GAS2L3: variants seen among roughly 807,000 people sequenced by gnomAD.
The protein encoded by GAS2L3 is GAS2-like protein 3.
Under a neutral mutation model 37.0 loss-of-function variants are expected in GAS2L3, and 28 were observed. That is an observed-to-expected ratio of 0.76 (90% CI 0.56 to 1.04). The LOEUF (loss-of-function observed/expected upper bound fraction) is 1.04, where lower values mean the gene tolerates loss of function less well. Ranked by LOEUF, GAS2L3 falls within the 50% of genes least tolerant of loss-of-function variation. The pLI is 0.00. For missense variants in GAS2L3, 793 were observed against 817.6 expected, an observed-to-expected ratio of 0.97 and a Z score of 0.37; for synonymous variants, 290 against 296.6, an observed-to-expected ratio of 0.98 and a Z score of 0.23.
At chr12:100,586,670 G>A (rs1955785575) in intron 1 of GAS2L3, among the ~76,000 whole-genome samples, 1 of 151,916 alleles carries the variant, frequency 6.6e-6, no homozygotes, top group Non-Finnish European at 1.5e-5. Context: ...ACACCTCTAA[G>A]GAAATAGAGA....
chr12:100,576,957 T>C (rs913632110), intron 1 of GAS2L3, among the ~76,000 whole-genome samples: 3 of 152,210 alleles, frequency 2.0e-5, no homozygotes, highest in Non-Finnish European at 2.9e-5. Context: ...TTCCGCCTAC[T>C]GTCATACAAC....
intron 6 of GAS2L3, among the ~76,000 whole-genome samples, chr12:100,615,022 T>TA: frequency 6.6e-6 from 1 of 152,330 alleles, no homozygotes; most frequent in East Asian, 1.9e-4. Context: ...TTCTCTCAGA[T>TA]ATATACCTAA....
At chr12:100,580,100 C>T in intron 1 of GAS2L3, 1 of 1,103,912 alleles carries the variant, frequency 9.1e-7, no homozygotes, top group South Asian at 1.2e-5. Flanking sequence ...ATCATTGATA[C>T]TGGAATAGAT....
At position 100,600,461 on chromosome 12, in the gene GAS2L3, G is replaced by C. The variant is rs1483253153; in HGVS notation, c.98G>C (p.Cys33Ser). ...CACGGACCAGGATTGGCTAATGTTT[G>C]TCAGTACGATGAGTGGATAGCTGTG... ...PRHGPGLANV[C>S]QYDEWIAVRH... The change falls in exon 4 of 10, where the codon TGT becomes TCT. Residue 33 changes from cysteine to serine, a missense_variant. Cys to Ser is a moderately radical substitution (Grantham distance 112). Coordinates refer to ENST00000547754, the MANE Select transcript of GAS2L3 (RefSeq NM_174942.3). The C allele has an allele frequency of 7.4e-6, 12 of 1,613,422 alleles. No homozygotes were observed. Among genetic ancestry groups the C allele is most frequent in the Non-Finnish European group, 1.0e-5 (12 of 1,179,536 alleles).
At chr12:100,620,493 G>GT (rs1956239772) in intron 8 of GAS2L3, among the ~76,000 whole-genome samples, 1 of 151,810 alleles carries the variant, frequency 6.6e-6, no homozygotes, top group African/African-American at 2.4e-5. Flanking sequence ...CTGATTGTGG[G>GT]TTAGTGCTGA....
intron 1 of GAS2L3, chr12:100,579,887 G>C: frequency 1.3e-6 from 1 of 754,282 alleles, no homozygotes; most frequent in Middle Eastern, 2.9e-4. Flanking sequence ...ACATAGTAAA[G>C]ACTTTCCACA....
chr12:100,580,952 C>T (rs1195774503), intron 1 of GAS2L3, among the ~76,000 whole-genome samples: 1 of 152,214 alleles, frequency 6.6e-6, no homozygotes, highest in Non-Finnish European at 1.5e-5. Context: ...CACCGACACA[C>T]TACTAGTACT....
At chr12:100,618,936 C>T (rs983572806) in intron 8 of GAS2L3, among the ~76,000 whole-genome samples, 1 of 151,906 alleles carries the variant, frequency 6.6e-6, no homozygotes, top group African/African-American at 2.4e-5. Flanking sequence ...TTCTCATGGT[C>T]TTGTAGAGGT....
At position 100,595,409 on chromosome 12, in the gene GAS2L3, T is replaced by G. The variant is rs573202191; in HGVS notation, c.18+487T>G. ...ATTTTAAAGAGTGGGTTTTTTTTTT[T>G]TTGTTTTGTTTTTTGTGGAGGGGTG... On this transcript the variant is annotated intron_variant, in intron 3 of 9. Coordinates refer to ENST00000547754, the MANE Select transcript of GAS2L3 (RefSeq NM_174942.3). Among the ~76,000 whole-genome samples, 788 of 147,356 alleles carry G rather than the reference T, an allele frequency of 5.3e-3. 5 individuals are homozygous for G. Among genetic ancestry groups the G allele is most frequent in the East Asian group, 0.023 (118 of 5,164 alleles).
Position 100,624,763 on chromosome 12 carries a change from C to A in GAS2L3, c.1958C>A (p.Ala653Asp). 6.2e-7 allele frequency: 1 copy of A among 1,613,898 alleles called. No individual in the cohort carries two copies. Among genetic ancestry groups the A allele is most frequent in the African/African-American group, 1.3e-5 (1 of 75,002 alleles). ...CCTCCCAGAAGTGGCAAAACCCCAGCTTCAATCAGGAAACCACCCTCATCT... is the reference window on the plus strand; with the variant it reads ...CCTCCCAGAAGTGGCAAAACCCCAGATTCAATCAGGAAACCACCCTCATCT... ...KGPPRSGKTP[A>D]SIRKPPSSVK... Residue 653 changes from alanine (A) to aspartate (D), a missense_variant, in exon 10 of 10, where the codon GCT becomes GAT. Coordinates refer to ENST00000547754, the MANE Select transcript of GAS2L3 (RefSeq NM_174942.3).
chr12:100,595,398 GT>G (rs566262577), intron 3 of GAS2L3, among the ~76,000 whole-genome samples: 1,490 of 140,680 alleles, frequency 0.011, 12 homozygotes, highest in Middle Eastern at 0.04. Context: ...TAAAGAGTGG[GT>G]TTTTTTTTTT....
chr12:100,608,522 T>C (rs937114471), intron 5 of GAS2L3, among the ~76,000 whole-genome samples: 3 of 152,098 alleles, frequency 2.0e-5, no homozygotes, highest in African/African-American at 7.2e-5. Context: ...AGGAGTGAGA[T>C]TGAAGTCTTT....
Position 100,622,315 on chromosome 12 carries a change from A to G in GAS2L3, c.689A>G (p.His230Arg). ...IAEDPPCSCS[H>R]RFSIEYLSEG... ...GAGGACCCTCCTTGTAGTTGTTCTC[A>G]TCGATTTTCTATTGAGTATTTATCT... Residue 230 changes from histidine (H) to arginine (R), a missense_variant, in exon 9 of 10, where the codon CAT becomes CGT. Transcript: ENST00000547754. 3 of 1,606,434 alleles carry G rather than the reference A, an allele frequency of 1.9e-6. No homozygotes were observed. Among genetic ancestry groups the G allele is most frequent in the South Asian group, 1.1e-5 (1 of 90,742 alleles).
chr12:100,602,690 T>G (rs1956006648), intron 5 of GAS2L3, among the ~76,000 whole-genome samples: 1 of 152,130 alleles, frequency 6.6e-6, no homozygotes, highest in Non-Finnish European at 1.5e-5. Flanking sequence ...AATTAAATTA[T>G]TATTGACTGT....
chr12:100,588,753 C>T lies in GAS2L3; in HGVS notation c.-151-2983C>T, dbSNP rs144828727. Among the ~76,000 whole-genome samples, 455 of 152,218 alleles carry T rather than the reference C, an allele frequency of 3.0e-3. 9 individuals carry two copies. The East Asian group carries it at 0.046, about 15-fold the overall frequency. On this transcript the variant is annotated intron_variant, in intron 1 of 9. Coordinates refer to ENST00000547754, the MANE Select transcript of GAS2L3 (RefSeq NM_174942.3). ...CCATTTATAGACCTCCCCCCAGGAA[C>T]GTATTCCTTTCCCAGGGTATTAATA...
chr12:100,613,592 T>C (rs1956151908), intron 6 of GAS2L3, among the ~76,000 whole-genome samples: 1 of 151,854 alleles, frequency 6.6e-6, no homozygotes, highest in South Asian at 2.1e-4. Context: ...CAATTACCAT[T>C]TCTTTCTTTT....
At chr12:100,613,263 G>C (rs573721538) in intron 6 of GAS2L3, among the ~76,000 whole-genome samples, 1 of 152,126 alleles carries the variant, frequency 6.6e-6, no homozygotes, top group African/African-American at 2.4e-5. Flanking sequence ...GTCAGTATAG[G>C]ACTAAGTAAA....
chr12:100,619,399 G>C (rs996000640), intron 8 of GAS2L3, among the ~76,000 whole-genome samples: 2 of 152,006 alleles, frequency 1.3e-5, no homozygotes, highest in Admixed American at 1.3e-4. Context: ...TGCTTAGACT[G>C]TTGTTTGGAC....
chr12:100,585,707 C>T (rs1318824124), intron 1 of GAS2L3, among the ~76,000 whole-genome samples: 1 of 152,186 alleles, frequency 6.6e-6, no homozygotes, highest in Non-Finnish European at 1.5e-5. Context: ...CTCCTTTACC[C>T]CATCATCTCT....
Sources: allele counts gnomAD v4.1 joint callset (sites outside exome capture counted in the v4.1 genomes callset), GRCh38; gene constraint gnomAD v4.1.1; transcripts MANE v1.5; gene names NCBI Gene and HGNC (gene_info 2026-07-23, HGNC 2026-07-21).